EPS15: variants seen among roughly 807,000 people sequenced by gnomAD.
The protein encoded by EPS15 is epidermal growth factor receptor pathway substrate 15.
Under a neutral mutation model 113.8 loss-of-function variants are expected in EPS15, and 72 were observed. The ratio of observed to expected loss-of-function variants is 0.63; its 90% confidence interval spans 0.52 to 0.77. The LOEUF is 0.77. Among genes scored for constraint, EPS15 ranks in the 30% least tolerant of loss-of-function variants. The pLI is 0.00. For missense variants in EPS15, 1,048 were observed against 1,045.8 expected (o/e 1.00, Z -0.03); for synonymous variants, 344 against 363.4 (o/e 0.95, Z 0.61).
intron 1 of EPS15, among the ~76,000 whole-genome samples, chr1:51,496,810 T>C (rs557599559): frequency 7.9e-4 from 120 of 152,346 alleles, no homozygotes; most frequent in Non-Finnish European, 1.1e-3. Flanking sequence ...AGTCACTGGA[T>C]AACATATCAA....
chr1:51,396,096 A>G (rs541359422), intron 20 of EPS15, among the ~76,000 whole-genome samples: 4 of 152,356 alleles, frequency 2.6e-5, no homozygotes, highest in African/African-American at 4.8e-5. Flanking sequence ...ACTATGAATG[A>G]TAAAAAGTAA....
rs538131030 is a variant in EPS15 at position 51,468,119 on chromosome 1, C to T, written c.309+354G>A. Among the ~76,000 whole-genome samples the T allele has an allele frequency of 2.6e-5, 4 of 152,122 alleles. No individual in the cohort carries two copies. The South Asian group carries it at 6.2e-4, about 24-fold the overall frequency. The stretch of plus-strand genomic sequence containing the variant: ...GACCAGACGTGCACACCAACACACT[C>T]GGCTAAATTTTAGATTTTTTTGTAG... On this transcript the variant is annotated intron_variant, in intron 5 of 24. Transcript: ENST00000371733.
intron 1 of EPS15, among the ~76,000 whole-genome samples, chr1:51,487,067 G>A (rs1644137574): frequency 6.6e-6 from 1 of 152,158 alleles, no homozygotes; most frequent in Non-Finnish European, 1.5e-5. Flanking sequence ...TATAAAGTAT[G>A]TTAGCAACTA....
intron 5 of EPS15, among the ~76,000 whole-genome samples, chr1:51,466,169 C>CA (rs1030161585): frequency 2.0e-5 from 3 of 148,942 alleles, no homozygotes; most frequent in Non-Finnish European, 4.5e-5. Context: ...TAGGTAAGAA[C>CA]AAAAAAAATC....
At chr1:51,446,100 C>T (rs1440379673) in intron 10 of EPS15, among the ~76,000 whole-genome samples, 2 of 152,164 alleles carry the variant, frequency 1.3e-5, no homozygotes, top group African/African-American at 4.8e-5. Flanking sequence ...AACCATGTGG[C>T]CCCACTTGTG....
chr1:51,513,191 G>A (rs1307087803), intron 1 of EPS15, among the ~76,000 whole-genome samples: 2 of 152,018 alleles, frequency 1.3e-5, no homozygotes, highest in Non-Finnish European at 2.9e-5. Flanking sequence ...ACACCTACTA[G>A]AAATTAATCC....
chr1:51,449,524 T>C (rs185957896), intron 8 of EPS15, among the ~76,000 whole-genome samples: 1 of 149,414 alleles, frequency 6.7e-6, no homozygotes, highest in East Asian at 1.9e-4. Context: ...CCCCGTGACA[T>C]GCAATTTACC....
intron 12 of EPS15, among the ~76,000 whole-genome samples, chr1:51,436,649 A>G (rs1028593475): frequency 6.6e-6 from 1 of 152,190 alleles, no homozygotes; most frequent in Non-Finnish European, 1.5e-5. Flanking sequence ...AAATCAAGGA[A>G]GGCTTCCTCT....
In EPS15 at chr1:51,405,992, G is replaced by A. The variant is rs1297781519; in HGVS notation, c.1590C>T (p.Ser530=). 3 of 1,614,162 alleles carry A rather than the reference G, an allele frequency of 1.9e-6. No homozygotes were observed. In the East Asian group the frequency reaches 6.7e-5, roughly 36 times the overall value. ...GGTTGGCTGTTTCACTGCTGCTGGT[G>A]CTGAGGCTGCAATAATCTGTAGCTC... is the stretch of plus-strand genomic sequence containing the variant. ...VNGATDYCSL[S]TSSSETANLN... Residue 530 remains serine, a synonymous_variant, in exon 16 of 25, where the codon AGC becomes AGT. Transcript: ENST00000371733.
intron 11 of EPS15, among the ~76,000 whole-genome samples, chr1:51,442,799 A>T (rs1315746523): frequency 3.3e-5 from 5 of 152,166 alleles, no homozygotes; most frequent in African/African-American, 1.2e-4. Flanking sequence ...TAAAAAAGGC[A>T]TAAAGTAAAG....
chr1:51,410,476 G>A (rs1207383104), intron 13 of EPS15, among the ~76,000 whole-genome samples: 1 of 151,920 alleles, frequency 6.6e-6, no homozygotes, highest in African/African-American at 2.4e-5. Flanking sequence ...TAGAAGAAAT[G>A]CAGATCTCAG....
At chr1:51,357,426 A>ATTTTT (rs570842498) in intron 24 of EPS15, among the ~76,000 whole-genome samples, 36 of 53,526 alleles carry the variant, frequency 6.7e-4, no homozygotes, top group African/African-American at 1.7e-3. Flanking sequence ...ATATATATAT[A>ATTTTT]TTTTTTTTTT....
intron 5 of EPS15, 122 bp downstream of exon 5, chr1:51,468,351 C>A: frequency 1.3e-6 from 1 of 742,020 alleles, no homozygotes; most frequent in Non-Finnish European, 2.3e-6. Flanking sequence ...GGAAAAAAGC[C>A]AAGTAGCTGA....
intron 2 of EPS15, among the ~76,000 whole-genome samples, chr1:51,480,322 T>C (rs945471229): frequency 1.3e-5 from 2 of 152,240 alleles, no homozygotes; most frequent in Admixed American, 1.3e-4. Context: ...GTCTACACCT[T>C]CAAGAAATTA....
chr1:51,494,614 A>G (rs150237864), intron 1 of EPS15, among the ~76,000 whole-genome samples: 1 of 152,344 alleles, frequency 6.6e-6, no homozygotes, highest in East Asian at 1.9e-4. Context: ...GGGCCATAAC[A>G]AAGTACCATA....
intron 12 of EPS15, among the ~76,000 whole-genome samples, chr1:51,437,457 A>T (rs568649153): frequency 4.2e-4 from 63 of 151,536 alleles, no homozygotes; most frequent in Middle Eastern, 3.4e-3. Context: ...CATGCTGCTT[A>T]CTTAGAGGTT....
intron 4 of EPS15, among the ~76,000 whole-genome samples, chr1:51,471,315 A>C (rs1655220206): frequency 6.6e-6 from 1 of 152,220 alleles, no homozygotes; most frequent in South Asian, 2.1e-4. Context: ...CAGAATACTC[A>C]CATCTCACAT....
chr1:51,484,713 G>A (rs1202702658), intron 1 of EPS15, among the ~76,000 whole-genome samples: 2 of 152,082 alleles, frequency 1.3e-5, no homozygotes, highest in Non-Finnish European at 2.9e-5. Context: ...AGCAACCATG[G>A]GCAATTAACT....
intron 2 of EPS15, among the ~76,000 whole-genome samples, chr1:51,477,752 A>G (rs560932101): frequency 1.3e-5 from 2 of 152,258 alleles, no homozygotes; most frequent in Admixed American, 6.5e-5. Flanking sequence ...GTTGCCATGT[A>G]GTTGAGTGGT....
Sources: allele counts gnomAD v4.1 joint callset (sites outside exome capture counted in the v4.1 genomes callset), GRCh38; gene constraint gnomAD v4.1.1; transcripts MANE v1.5; gene names NCBI Gene and HGNC (gene_info 2026-07-23, HGNC 2026-07-21).